Variants in EBF2 observed in about 807,000 individuals in gnomAD.
EBF2 encodes the protein transcription factor COE2.
Under a neutral mutation model 72.8 loss-of-function variants are expected in EBF2, and 21 were observed. The ratio of observed to expected loss-of-function variants is 0.29; its 90% CI spans 0.20 to 0.42. The LOEUF (loss-of-function observed/expected upper bound fraction) is 0.42, where lower values mean the gene tolerates loss of function less well. EBF2 is among the 10% of genes least tolerant of loss of function. EBF2 has a pLI of 1.00. For missense variants in EBF2, 637 were observed against 731.2 expected (o/e 0.87, Z 1.49); for synonymous variants, 299 against 274.2 (o/e 1.09, Z -0.89).
intron 6 of EBF2, among the ~76,000 whole-genome samples, chr8:26,028,166 C>G (rs1240225553): frequency 3.3e-5 from 5 of 152,142 alleles, no homozygotes; most frequent in Non-Finnish European, 5.9e-5. Context: ...AAAATGGTGT[C>G]AGGAGAACCC....
At chr8:26,002,948 GGGCA>G (rs879065686) in intron 6 of EBF2, among the ~76,000 whole-genome samples, 10,318 of 71,610 alleles carry the variant, frequency 0.14, 714 homozygotes, top group East Asian at 0.42. Flanking sequence ...GCAGGCGGGC[GGGCA>G]GGCAGGCAGG....
At chr8:25,961,402 C>G (rs146794885) in intron 6 of EBF2, among the ~76,000 whole-genome samples, 36 of 152,272 alleles carry the variant, frequency 2.4e-4, no homozygotes, top group African/African-American at 8.7e-4. Context: ...CTCACTCTGT[C>G]GCCCAGACTG....
Position 25,948,607 on chromosome 8 carries a change from C to T in EBF2, c.552-40052G>A, listed in dbSNP as rs375351132. Reference sequence around the variant, plus strand: ...TGTGTGCCTTCACTCAAGATAATTGCACAGTGGTGACACTGTTGAGGGGCC... The same window carrying T: ...TGTGTGCCTTCACTCAAGATAATTGTACAGTGGTGACACTGTTGAGGGGCC... On this transcript the variant is annotated intron_variant, in intron 6 of 15. Coordinates refer to ENST00000520164, the MANE Select transcript of EBF2 (RefSeq NM_022659.4). Among the ~76,000 whole-genome samples, 4 of 152,320 alleles carry T rather than the reference C, an allele frequency of 2.6e-5. 1 individual carries two copies. The East Asian group carries it at 5.8e-4, about 22-fold the overall frequency.
intron 6 of EBF2, among the ~76,000 whole-genome samples, chr8:25,925,992 G>C (rs779399698): frequency 6.6e-6 from 1 of 152,130 alleles, no homozygotes; most frequent in African/African-American, 2.4e-5. Flanking sequence ...CCAATTCCTT[G>C]ATATGCCCTC....
chr8:25,934,821 C>A (rs1023654561), intron 6 of EBF2, among the ~76,000 whole-genome samples: 4 of 152,154 alleles, frequency 2.6e-5, no homozygotes, highest in Non-Finnish European at 5.9e-5. Flanking sequence ...TTGAAAAAAT[C>A]CTTATTAATA....
At chr8:25,947,884 T>C (rs1803798204) in intron 6 of EBF2, among the ~76,000 whole-genome samples, 1 of 152,256 alleles carries the variant, frequency 6.6e-6, no homozygotes, top group Admixed American at 6.5e-5. Flanking sequence ...GGGCAGACCT[T>C]GATAAACAAT....
chr8:25,992,269 G>A (rs1290837441), intron 6 of EBF2, among the ~76,000 whole-genome samples: 1 of 143,006 alleles, frequency 7.0e-6, no homozygotes, highest in Non-Finnish European at 1.5e-5. Flanking sequence ...GGGAGGCAGA[G>A]GTTACAATGA....
intron 14 of EBF2, among the ~76,000 whole-genome samples, chr8:25,851,016 C>A (rs1007295399): frequency 6.6e-6 from 1 of 152,012 alleles, no homozygotes; most frequent in African/African-American, 2.4e-5. Flanking sequence ...GCAAAGGGCA[C>A]TTGTGCTTGG....
At position 25,984,623 on chromosome 8, in the gene EBF2, AAT is replaced by A. The variant is rs1241128958; in HGVS notation, c.551+48460_551+48461del. On this transcript the variant is annotated intron_variant, in intron 6 of 15. Transcript: ENST00000520164. ...CTTGAAACCGGGAGGCGGAGGTTGC[AAT>A]GAGCCGACAGGGTGCCACTGCACTC... is the stretch of plus-strand genomic sequence containing the variant. 3.3e-5 allele frequency among the ~76,000 whole-genome samples: 5 copies of A among 152,248 alleles called. No homozygotes were observed. In the Middle Eastern group the frequency reaches 0.01, roughly 311 times the overall value.
At chr8:25,852,082 C>T (rs1801990977) in intron 14 of EBF2, among the ~76,000 whole-genome samples, 1 of 152,124 alleles carries the variant, frequency 6.6e-6, no homozygotes, top group Non-Finnish European at 1.5e-5. Context: ...AGGAGCTATG[C>T]ATCTGAGTAC....
intron 6 of EBF2, among the ~76,000 whole-genome samples, chr8:25,968,546 T>C (rs1394832306): frequency 1.3e-5 from 2 of 152,128 alleles, no homozygotes; most frequent in East Asian, 3.9e-4. Context: ...AAATGGGAGT[T>C]GTTGTTTAAT....
chr8:26,025,099 A>C (rs1412182076), intron 6 of EBF2, among the ~76,000 whole-genome samples: 1 of 152,174 alleles, frequency 6.6e-6, no homozygotes, highest in Non-Finnish European at 1.5e-5. Context: ...GATAGGATTT[A>C]TATTGGCAGA....
chr8:25,978,879 G>T (rs1355831045), intron 6 of EBF2, among the ~76,000 whole-genome samples: 1 of 152,174 alleles, frequency 6.6e-6, no homozygotes, highest in East Asian at 1.9e-4. Flanking sequence ...TTATGACATG[G>T]AAGGTAAATA....
At chr8:25,992,499 T>C (rs546021738) in intron 6 of EBF2, among the ~76,000 whole-genome samples, 114 of 152,262 alleles carry the variant, frequency 7.5e-4, no homozygotes, top group African/African-American at 2.4e-3. Context: ...GGTGGTGCGC[T>C]TGGTCAGAAC....
chr8:26,011,718 T>C (rs1358491963), intron 6 of EBF2, among the ~76,000 whole-genome samples: 3 of 152,164 alleles, frequency 2.0e-5, no homozygotes, highest in African/African-American at 7.2e-5. Context: ...CAAGTCCTCA[T>C]TCACTGCTAC....
At chr8:25,977,003 C>A (rs1804279021) in intron 6 of EBF2, among the ~76,000 whole-genome samples, 1 of 152,206 alleles carries the variant, frequency 6.6e-6, no homozygotes, top group Admixed American at 6.5e-5. Context: ...TCCAGATGTG[C>A]AGCAGTGACA....
chr8:25,907,548 C>CAAA (rs773501429), intron 7 of EBF2, among the ~76,000 whole-genome samples: 26 of 148,290 alleles, frequency 1.8e-4, no homozygotes, highest in Non-Finnish European at 3.6e-4. Flanking sequence ...TTTGATCAAA[C>CAAA]AACTCCTCCC....
At chr8:25,934,297 G>A (rs901568952) in intron 6 of EBF2, among the ~76,000 whole-genome samples, 1 of 149,480 alleles carries the variant, frequency 6.7e-6, no homozygotes, top group Non-Finnish European at 1.5e-5. Context: ...TTTGATATCT[G>A]TTCTCTGAAA....
chr8:25,877,709 C>T (rs1802545956), intron 10 of EBF2, among the ~76,000 whole-genome samples: 1 of 152,056 alleles, frequency 6.6e-6, no homozygotes, highest in Non-Finnish European at 1.5e-5. Context: ...AGGAAAGGTT[C>T]TCTGGAGTCT....
Sources: gnomAD v4.1 joint callset for allele counts (sites outside exome capture counted in the v4.1 genomes callset) on GRCh38, gnomAD v4.1.1 for gene constraint, MANE v1.5 for transcripts, NCBI Gene and HGNC (gene_info 2026-07-23, HGNC 2026-07-21) for gene names.